The following GHR variants were observed in gnomAD, a reference collection of about 807,000 sequenced individuals.
GHR encodes the protein GH receptor.
A neutral mutation model predicts 67.1 loss-of-function variants in GHR; 35 were observed. The ratio of observed to expected loss-of-function variants is 0.52; its 90% CI spans 0.40 to 0.69. GHR has a LOEUF of 0.69. GHR is among the 30% of genes least tolerant of loss of function. GHR has a pLI of 0.00. For missense variants in GHR, 792 were observed against 764.6 expected (o/e 1.04, Z -0.42); for synonymous variants, 272 against 269.1 (o/e 1.01, Z -0.10).
intron 7 of GHR, 65 bp downstream of exon 7, chr5:42,711,437 C>T: frequency 9.3e-7 from 1 of 1,078,254 alleles, no homozygotes; most frequent in Non-Finnish European, 1.4e-6. Flanking sequence ...AGTTGATTCA[C>T]CCCTGCACTG....
chr5:42,676,265 C>A (rs1217137902), intron 3 of GHR, among the ~76,000 whole-genome samples: 1 of 151,714 alleles, frequency 6.6e-6, no homozygotes, highest in South Asian at 2.1e-4. Context: ...AACTTGGTGA[C>A]AGAGCGAGAC....
intron 1 of GHR, among the ~76,000 whole-genome samples, chr5:42,532,553 T>C (rs1455784678): frequency 3.9e-5 from 6 of 152,158 alleles, no homozygotes; most frequent in Non-Finnish European, 7.4e-5. Flanking sequence ...GTCTCATTAT[T>C]TTCTCTGCCA....
chr5:42,648,332 G>A (rs1754847135), intron 3 of GHR, among the ~76,000 whole-genome samples: 2 of 152,158 alleles, frequency 1.3e-5, no homozygotes, highest in South Asian at 4.1e-4. Context: ...AGGGTGGCAG[G>A]GAATCCCTGT....
chr5:42,437,130 G>A (rs569058741), intron 1 of GHR, among the ~76,000 whole-genome samples: 4 of 152,266 alleles, frequency 2.6e-5, no homozygotes, highest in South Asian at 4.1e-4. Context: ...ATGTAAAAAC[G>A]TGCTTTTCTT....
chr5:42,699,086 T>C lies in GHR; in HGVS notation c.440-738T>C, dbSNP rs145631040. ...ACTGAATTGTCACCATTTGTGAGAC[T>C]AGCATAATGCTTTCTTCCTTCTTAT... On this transcript the variant is annotated intron_variant, in intron 5 of 9. Coordinates refer to ENST00000230882, the MANE Select transcript of GHR (RefSeq NM_000163.5). 2.2e-4 allele frequency among the ~76,000 whole-genome samples: 33 copies of C among 152,368 alleles called. 4 individuals are homozygous for C. Among genetic ancestry groups the C allele is most frequent in the African/African-American group, 7.5e-4 (31 of 41,586 alleles).
chr5:42,629,067 TG>T lies in GHR; in HGVS notation c.102del (p.Trp34Ter). 1 of 1,417,958 alleles carries T rather than the reference TG, an allele frequency of 7.1e-7. No individual in the cohort carries two copies. Among genetic ancestry groups the T allele is most frequent in the Non-Finnish European group, 9.7e-7 (1 of 1,032,032 alleles). 87.8% of individuals were successfully genotyped at this position (1,417,958 alleles called of 1,614,324 possible). ...AGCAGCTATCCTTAGCAGAGCACCC[TG>T]GAGTCTGCAAAGTGTTAATCCAGGC... is the stretch of plus-strand genomic sequence containing the variant. ...ATAAILSRAP[W>X]SLQSVNPGLK... On this transcript the variant is annotated frameshift_variant, in exon 3 of 10. Coordinates refer to ENST00000230882, the MANE Select transcript of GHR (RefSeq NM_000163.5). LOFTEE classifies it high-confidence loss of function.
intron 1 of GHR, among the ~76,000 whole-genome samples, chr5:42,546,931 G>A (rs1306938325): frequency 6.6e-6 from 1 of 152,164 alleles, no homozygotes; most frequent in Non-Finnish European, 1.5e-5. Context: ...AAGACATCCA[G>A]ATAACTCCTA....
intron 1 of GHR, among the ~76,000 whole-genome samples, chr5:42,554,514 G>T (rs1353109172): frequency 6.6e-6 from 1 of 152,044 alleles, no homozygotes; most frequent in Non-Finnish European, 1.5e-5. Flanking sequence ...CTGTATGAAG[G>T]TCTCTTCTCA....
chr5:42,474,333 G>GAAAGAAAGAAAGA (rs144590349), intron 1 of GHR, among the ~76,000 whole-genome samples: 1 of 149,106 alleles, frequency 6.7e-6, no homozygotes, highest in Non-Finnish European at 1.5e-5. Flanking sequence ...AAGAAAGAAA[G>GAAAGAAAGAAAGA]AAAGAAAAGA....
chr5:42,621,352 A>G (rs1250117620), intron 2 of GHR, among the ~76,000 whole-genome samples: 1 of 152,124 alleles, frequency 6.6e-6, no homozygotes, highest in African/African-American at 2.4e-5. Flanking sequence ...AACTGGCCTT[A>G]TTATGCTAGG....
intron 3 of GHR, among the ~76,000 whole-genome samples, chr5:42,677,386 G>A (rs890985912): frequency 1.3e-5 from 2 of 152,178 alleles, no homozygotes; most frequent in African/African-American, 4.8e-5. Context: ...CCTTACGAGT[G>A]TCATCACAGA....
At chr5:42,710,172 C>A (rs1039069267) in intron 6 of GHR, among the ~76,000 whole-genome samples, 5 of 151,946 alleles carry the variant, frequency 3.3e-5, no homozygotes, top group South Asian at 2.1e-4. Flanking sequence ...TACAAACAAA[C>A]CCTGTCATAT....
At chr5:42,478,283 G>A (rs1046517129) in intron 1 of GHR, among the ~76,000 whole-genome samples, 1 of 152,192 alleles carries the variant, frequency 6.6e-6, no homozygotes, top group African/African-American at 2.4e-5. Context: ...TTTGGTTACT[G>A]TAGCCTAGTA....
chr5:42,532,664 A>G (rs1748026747), intron 1 of GHR, among the ~76,000 whole-genome samples: 2 of 152,180 alleles, frequency 1.3e-5, no homozygotes. Flanking sequence ...ACATACATGA[A>G]CATAAAATAT....
rs1259766646 is a variant in GHR, at chr5:42,720,567, C to T, written c.*1143C>T. The stretch of plus-strand genomic sequence containing the variant: ...AAGCATTTTGTAAGTTGAAGCAAAT[C>T]GAATGAAATTAACTGGGTAATGAAA... On this transcript the variant is annotated 3_prime_UTR_variant, in exon 10 of 10. Transcript: ENST00000230882. 1.3e-5 allele frequency: 2 copies of T among 152,094 alleles called. No individual in the cohort carries two copies. The highest frequency in any genetic ancestry group is 2.1e-4 in the South Asian group (1 of 4,820). 9.4% of individuals were successfully genotyped at this position (152,094 alleles called of 1,614,324 possible).
At chr5:42,650,718 A>G (rs1434066611) in intron 3 of GHR, among the ~76,000 whole-genome samples, 1 of 151,978 alleles carries the variant, frequency 6.6e-6, no homozygotes, top group Non-Finnish European at 1.5e-5. Flanking sequence ...ATGCAAAGAT[A>G]ACATATAGCA....
intron 3 of GHR, among the ~76,000 whole-genome samples, chr5:42,672,971 T>G (rs1449874356): frequency 1.3e-5 from 2 of 151,946 alleles, no homozygotes; most frequent in Non-Finnish European, 2.9e-5. Flanking sequence ...AGCAACAGAG[T>G]AAACAGCCTA....
chr5:42,546,726 TGA>T (rs542171200), intron 1 of GHR, among the ~76,000 whole-genome samples: 18 of 152,144 alleles, frequency 1.2e-4, no homozygotes, highest in African/African-American at 4.1e-4. Flanking sequence ...TATTTGTGTG[TGA>T]GAGAGAGAGA....
intron 2 of GHR, among the ~76,000 whole-genome samples, chr5:42,614,502 C>G (rs993254458): frequency 4.1e-5 from 6 of 147,104 alleles, no homozygotes; most frequent in Admixed American, 2.7e-4. Context: ...GATGCTGATG[C>G]TGCTGGCCCA....
Sources: allele counts gnomAD v4.1 joint callset (sites outside exome capture counted in the v4.1 genomes callset), GRCh38; gene constraint gnomAD v4.1.1; transcripts MANE v1.5; gene names NCBI Gene and HGNC (gene_info 2026-07-23, HGNC 2026-07-21).